Variants in VPS13B observed in about 807,000 individuals in gnomAD.
VPS13B encodes vacuolar protein sorting 13 homolog B, also known as intermembrane lipid transfer protein VPS13B.
In VPS13B, 285 loss-of-function variants were observed where a neutral mutation model predicts 426.4. The observed-to-expected ratio is 0.67, with a 90% confidence interval of 0.61 to 0.74. The LOEUF (loss-of-function observed/expected upper bound fraction) is 0.74, where lower values mean the gene tolerates loss of function less well. VPS13B is among the 30% of genes least tolerant of loss of function. The pLI is 0.00. For missense variants in VPS13B, 4,537 were observed against 4,782.6 expected (o/e 0.95, Z 1.51); for synonymous variants, 1,676 against 1,676.4 (o/e 1.00, Z 0.01).
At chr8:99,711,339 A>G (rs1832701830) in intron 36 of VPS13B, among the ~76,000 whole-genome samples, 1 of 152,220 alleles carries the variant, frequency 6.6e-6, no homozygotes, top group Non-Finnish European at 1.5e-5. Context: ...AAAAAGGACC[A>G]GGCAGGATAT....
intron 25 of VPS13B, among the ~76,000 whole-genome samples, chr8:99,492,494 A>G (rs1820664301): frequency 6.6e-6 from 1 of 152,200 alleles, no homozygotes; most frequent in Non-Finnish European, 1.5e-5. Context: ...GAGAGGCAGT[A>G]GGTCTAGCTG....
intron 19 of VPS13B, among the ~76,000 whole-genome samples, chr8:99,325,206 C>T (rs1427344772): frequency 6.6e-6 from 1 of 152,112 alleles, no homozygotes; most frequent in African/African-American, 2.4e-5. Flanking sequence ...TCACCTGGGC[C>T]CCCCAAAGTG....
At chr8:99,428,284 A>C (rs1816850630) in intron 21 of VPS13B, among the ~76,000 whole-genome samples, 1 of 152,194 alleles carries the variant, frequency 6.6e-6, no homozygotes, top group Non-Finnish European at 1.5e-5. Context: ...AAAAGTGACA[A>C]ATGGGATCTA....
chr8:99,147,445 A>G (rs549964691), intron 13 of VPS13B, among the ~76,000 whole-genome samples: 5 of 152,280 alleles, frequency 3.3e-5, no homozygotes, highest in Admixed American at 1.3e-4. Context: ...TGTTTTTAAT[A>G]TGCTGTGGAT....
intron 35 of VPS13B, chr8:99,697,495 G>T: frequency 1.4e-6 from 1 of 740,146 alleles, no homozygotes. Context: ...TGAAGGAGCA[G>T]AAGTCGCTCA....
At chr8:99,038,928 G>T (rs1463935945) in intron 3 of VPS13B, among the ~76,000 whole-genome samples, 1 of 151,928 alleles carries the variant, frequency 6.6e-6, no homozygotes, top group East Asian at 1.9e-4. Flanking sequence ...CTCGTGATCT[G>T]CCCACCTTGG....
At chr8:99,621,372 C>A (rs892459845) in intron 33 of VPS13B, among the ~76,000 whole-genome samples, 1 of 152,172 alleles carries the variant, frequency 6.6e-6, no homozygotes, top group Non-Finnish European at 1.5e-5. Context: ...AGGACAAGAT[C>A]TTGATATTAA....
At chr8:99,856,946 T>C (rs940734687) in intron 56 of VPS13B, among the ~76,000 whole-genome samples, 1 of 152,206 alleles carries the variant, frequency 6.6e-6, no homozygotes, top group African/African-American at 2.4e-5. Flanking sequence ...TAACTGACCC[T>C]ATCTGAAGGA....
In VPS13B at chr8:99,554,254, C is replaced by A. The variant is rs910877719; in HGVS notation, c.4746-2196C>A. Among the ~76,000 whole-genome samples the A allele has an allele frequency of 5.3e-5, 8 of 152,006 alleles. No homozygotes were observed. The South Asian group carries it at 6.2e-4, about 12-fold the overall frequency. ...GGTATTCTTAAAGTATTTTAGTTCA[C>A]CTTAAAAATATGTTTAGGGAGTTTA... On this transcript the variant is annotated intron_variant, in intron 30 of 61. Transcript: ENST00000357162.
At chr8:99,126,895 A>G (rs774490451) in intron 8 of VPS13B, among the ~76,000 whole-genome samples, 3 of 152,126 alleles carry the variant, frequency 2.0e-5, no homozygotes, top group Non-Finnish European at 4.4e-5. Context: ...GGAATTCCAG[A>G]CCAGCCATGC....
chr8:99,069,583 A>G lies in VPS13B; in HGVS notation c.292-26729A>G, dbSNP rs571716217. Among the ~76,000 whole-genome samples, 4 of 152,366 alleles carry G rather than the reference A, an allele frequency of 2.6e-5. No homozygotes were observed. The South Asian group carries it at 8.3e-4, about 32-fold the overall frequency. ...TTTCTAATAATTTGTGTATGTATGC[A>G]TCTGTATACACAGATATTTACATGT... On this transcript the variant is annotated intron_variant, in intron 3 of 61. Coordinates refer to ENST00000357162, the MANE Select transcript of VPS13B (RefSeq NM_152564.5).
chr8:99,167,016 T>G (rs1389436191), intron 15 of VPS13B, among the ~76,000 whole-genome samples: 4 of 152,218 alleles, frequency 2.6e-5, no homozygotes, highest in African/African-American at 9.6e-5. Context: ...CGGGTGAAAT[T>G]TTGAGTTAAT....
chr8:99,325,705 T>A (rs185008163), intron 19 of VPS13B, among the ~76,000 whole-genome samples: 158 of 152,288 alleles, frequency 1.0e-3, no homozygotes, highest in African/African-American at 3.6e-3. Context: ...CTAGTCAAGA[T>A]GTTTTTGTTA....
intron 37 of VPS13B, among the ~76,000 whole-genome samples, chr8:99,718,325 G>A (rs1225646738): frequency 6.6e-6 from 1 of 151,950 alleles, no homozygotes; most frequent in African/African-American, 2.4e-5. Context: ...ATACAAAGTA[G>A]TCAACCTGTT....
chr8:99,576,715 C>T (rs868554444), intron 32 of VPS13B, among the ~76,000 whole-genome samples: 4 of 152,242 alleles, frequency 2.6e-5, no homozygotes, highest in South Asian at 4.1e-4. Context: ...TTAAGTGAAA[C>T]TATTGTATTG....
At chr8:99,492,920 G>A (rs191492710) in intron 25 of VPS13B, among the ~76,000 whole-genome samples, 150 of 152,310 alleles carry the variant, frequency 9.8e-4, no homozygotes, top group African/African-American at 3.3e-3. Flanking sequence ...ACCTCAATTG[G>A]AAATGCAGAA....
rs767022008 is a variant in VPS13B, at chr8:99,778,944, C to G, written c.7692C>G (p.Asp2564Glu). Reference sequence around the variant, plus strand: ...GCGATGTAGTGGAAAAGCTGCTTGACTGCACCGTGATAGTTGATTCTGTAT... The same window carrying G: ...GCGATGTAGTGGAAAAGCTGCTTGAGTGCACCGTGATAGTTGATTCTGTAT... ...VSSDVVEKLL[D>E]CTVIVDSVFV... The change falls in exon 42 of 62, where the codon GAC becomes GAG. Residue 2564 changes from aspartate to glutamate, a missense_variant. Asp to Glu is a conservative substitution (Grantham distance 45). This residue lies in a region of VPS13B where 4,311 missense variants were observed against 4,474.3 expected (regional missense o/e 0.96). Transcript: ENST00000357162. 1 of 1,613,960 alleles carries G rather than the reference C, an allele frequency of 6.2e-7. No individual in the cohort carries two copies. Among genetic ancestry groups the G allele is most frequent in the Admixed American group, 1.7e-5 (1 of 59,996 alleles).
chr8:99,792,489 C>T (rs1177701181), intron 43 of VPS13B, among the ~76,000 whole-genome samples: 1 of 152,056 alleles, frequency 6.6e-6, no homozygotes, highest in Non-Finnish European at 1.5e-5. Context: ...ATTAAAAACC[C>T]TAAAAGAGTG....
chr8:99,638,391 G>A (rs1829155055), intron 33 of VPS13B, among the ~76,000 whole-genome samples: 1 of 152,016 alleles, frequency 6.6e-6, no homozygotes, highest in South Asian at 2.1e-4. Context: ...ACAGTGTCTG[G>A]CAAATAATAA....
Sources: allele counts gnomAD v4.1 joint callset (sites outside exome capture counted in the v4.1 genomes callset), GRCh38; gene constraint gnomAD v4.1.1; regional missense constraint gnomAD v4.1.1; transcripts MANE v1.5; gene names NCBI Gene and HGNC (gene_info 2026-07-23, HGNC 2026-07-21).